GRIK1: variants seen among roughly 807,000 people sequenced by gnomAD.
The protein encoded by GRIK1 is glutamate receptor ionotropic, kainate 1.
In GRIK1, 69 loss-of-function variants were observed where a neutral mutation model predicts 105.7. That is an observed-to-expected ratio of 0.65 (90% confidence interval 0.54 to 0.80). The LOEUF is 0.80. GRIK1 is among the 30% of genes least tolerant of loss of function. The pLI is 0.00. For synonymous variants in GRIK1, 438 were observed against 431.3 expected, an observed-to-expected ratio of 1.02 and a Z score of -0.19; for missense variants, 1,109 against 1,167.3, an observed-to-expected ratio of 0.95 and a Z score of 0.73.
chr21:29,695,308 C>G (rs1173079791), intron 1 of GRIK1, among the ~76,000 whole-genome samples: 1 of 152,136 alleles, frequency 6.6e-6, no homozygotes, highest in African/African-American at 2.4e-5. Context: ...CTTTCTTAAC[C>G]CATCTCCATT....
chr21:29,825,264 A>G (rs1187814293), intron 1 of GRIK1, among the ~76,000 whole-genome samples: 1 of 152,008 alleles, frequency 6.6e-6, no homozygotes, highest in Non-Finnish European at 1.5e-5. Context: ...AGGATGGGGG[A>G]AGACTTTATG....
rs147345726 is a variant in GRIK1 at position 29,689,840 on chromosome 21, A to G, written c.432T>C (p.Asp144=). Residue 144 remains aspartate, a synonymous_variant, in exon 3 of 18, where the codon GAT becomes GAC. Coordinates refer to ENST00000327783, the MANE Select transcript of GRIK1 (RefSeq NM_001330994.2). ...CTGGGTAAAGGTTGATGTAAAACAA[A>G]TCTTTGTTGTCCACCGAGGGGTGTT... The part of the protein sequence containing the change: ...RWKHPSVDNK[D]LFYINLYPDY... 3.2e-5 allele frequency: 51 copies of G among 1,613,936 alleles called. No homozygotes were observed. The highest frequency in any genetic ancestry group is 4.2e-5 in the Non-Finnish European group (50 of 1,180,000).
intron 1 of GRIK1, among the ~76,000 whole-genome samples, chr21:29,859,210 T>C (rs1210916030): frequency 7.9e-6 from 1 of 125,832 alleles, no homozygotes; most frequent in Non-Finnish European, 1.6e-5. Context: ...CGGGGCCTGT[T>C]GTGGGGTGGG....
intron 1 of GRIK1, among the ~76,000 whole-genome samples, chr21:29,904,119 T>C (rs2070515280): frequency 6.6e-6 from 1 of 152,022 alleles, no homozygotes; most frequent in African/African-American, 2.4e-5. Flanking sequence ...CACCAGGGCC[T>C]GTGGGGAATG....
chr21:29,850,758 C>T (rs1222274130), intron 1 of GRIK1, among the ~76,000 whole-genome samples: 1 of 152,190 alleles, frequency 6.6e-6, no homozygotes. Flanking sequence ...TCATAAGTCA[C>T]ATCTTCAGCT....
rs141022923 is a variant in GRIK1, at chr21:29,658,173, A to G, written c.727-3310T>C. On this transcript the variant is annotated intron_variant, in intron 4 of 17. Coordinates refer to ENST00000327783, the MANE Select transcript of GRIK1 (RefSeq NM_001330994.2). ...ATGTCACACACACTAAAATGTAATA[A>G]AGGCAGATATCAATACTGTTCATAT... 3.5e-3 allele frequency among the ~76,000 whole-genome samples: 533 copies of G among 152,336 alleles called. 4 individuals carry two copies. The highest frequency in any genetic ancestry group is 0.012 in the African/African-American group (518 of 41,578).
intron 1 of GRIK1, among the ~76,000 whole-genome samples, chr21:29,888,199 C>CCTT (rs2069732967): frequency 6.3e-4 from 10 of 15,816 alleles, no homozygotes; most frequent in Non-Finnish European, 1.3e-3. Context: ...CTTTCTTTCT[C>CCTT]TCTCTCTCTC....
intron 1 of GRIK1, among the ~76,000 whole-genome samples, chr21:29,725,287 A>G (rs1052684476): frequency 6.6e-6 from 1 of 152,218 alleles, no homozygotes; most frequent in African/African-American, 2.4e-5. Context: ...AGAGTAAGCA[A>G]CAACCTGCCA....
intron 1 of GRIK1, among the ~76,000 whole-genome samples, chr21:29,754,687 AC>A (rs2065290622): frequency 6.6e-6 from 1 of 152,188 alleles, no homozygotes; most frequent in Non-Finnish European, 1.5e-5. Context: ...TATTTTGTAG[AC>A]CTTGTTAGCA....
At chr21:29,930,669 A>G (rs1040675891) in intron 1 of GRIK1, among the ~76,000 whole-genome samples, 2 of 152,220 alleles carry the variant, frequency 1.3e-5, no homozygotes, top group African/African-American at 4.8e-5. Flanking sequence ...CAAAAAGTAT[A>G]ATAGTTGAAG....
At chr21:29,836,996 C>T (rs964927868) in intron 1 of GRIK1, among the ~76,000 whole-genome samples, 2 of 152,186 alleles carry the variant, frequency 1.3e-5, no homozygotes, top group Admixed American at 1.3e-4. Flanking sequence ...CCAGCACCTG[C>T]TTTTTCTCTA....
At chr21:29,756,839 C>A (rs969710966) in intron 1 of GRIK1, among the ~76,000 whole-genome samples, 1 of 152,086 alleles carries the variant, frequency 6.6e-6, no homozygotes, top group Non-Finnish European at 1.5e-5. Flanking sequence ...AGTGGCCGGG[C>A]GCGGTGGCTC....
intron 1 of GRIK1, among the ~76,000 whole-genome samples, chr21:29,724,407 T>A (rs2064401544): frequency 6.6e-6 from 1 of 152,220 alleles, no homozygotes; most frequent in Non-Finnish European, 1.5e-5. Flanking sequence ...CACTGAGGGC[T>A]GTTCCTATAT....
At chr21:29,587,682 C>T in intron 11 of GRIK1, 93 bp from the exon 12 acceptor site, 1 of 679,016 alleles carries the variant, frequency 1.5e-6, no homozygotes, top group Non-Finnish European at 2.5e-6. Flanking sequence ...ATTCTCAACT[C>T]TAAATGCTTC....
chr21:29,737,971 C>T (rs1351018815), intron 1 of GRIK1, among the ~76,000 whole-genome samples: 1 of 152,198 alleles, frequency 6.6e-6, no homozygotes. Flanking sequence ...CTATTCTGCT[C>T]CTTGAAAAAC....
intron 15 of GRIK1, among the ~76,000 whole-genome samples, chr21:29,559,671 A>T (rs2090344468): frequency 1.3e-5 from 2 of 152,252 alleles, no homozygotes; most frequent in Admixed American, 6.5e-5. Flanking sequence ...TATTCATGGT[A>T]AATATGGAAG....
At chr21:29,574,397 A>G (rs1244980285) in intron 14 of GRIK1, among the ~76,000 whole-genome samples, 1 of 152,198 alleles carries the variant, frequency 6.6e-6, no homozygotes, top group Non-Finnish European at 1.5e-5. Flanking sequence ...ACTCTTTGAT[A>G]TTGCTGAATG....
At chr21:29,758,939 A>G (rs1189929333) in intron 1 of GRIK1, 1 of 153,390 alleles carries the variant, frequency 6.5e-6, no homozygotes, top group African/African-American at 2.4e-5. Flanking sequence ...GACACAGAAC[A>G]AAACAAAGCA....
At chr21:29,724,242 A>G (rs2064395507) in intron 1 of GRIK1, among the ~76,000 whole-genome samples, 1 of 152,210 alleles carries the variant, frequency 6.6e-6, no homozygotes, top group Admixed American at 6.5e-5. Context: ...CAACTGATTC[A>G]TTTTTATGAT....
Sources: gnomAD v4.1 joint callset for allele counts (sites outside exome capture counted in the v4.1 genomes callset) on GRCh38, gnomAD v4.1.1 for gene constraint, MANE v1.5 for transcripts, NCBI Gene and HGNC (gene_info 2026-07-23, HGNC 2026-07-21) for gene names.